CDC42: variants seen among roughly 807,000 people sequenced by gnomAD.
CDC42 encodes cell division control protein 42 homolog.
Under a neutral mutation model 20.8 loss-of-function variants are expected in CDC42, and 1 was observed. The ratio of observed to expected loss-of-function variants is 0.05; its 90% confidence interval spans 0.02 to 0.23. The LOEUF is 0.23. CDC42 is among the 10% of genes least tolerant of loss of function. The probability of loss-of-function intolerance (pLI) is 1.00; values close to 1 mark genes in which losing one functional copy is unlikely to be tolerated. For synonymous variants in CDC42, 72 were observed against 84.8 expected, an observed-to-expected ratio of 0.85 and a Z score of 0.83; for missense variants, 49 against 227.9, an observed-to-expected ratio of 0.21 and a Z score of 5.05.
chr1:22,062,692 T>G (rs1330343581), intron 1 of CDC42, among the ~76,000 whole-genome samples: 1 of 128,158 alleles, frequency 7.8e-6, no homozygotes, highest in African/African-American at 3.0e-5. Context: ...GAGACGAGCC[T>G]GGTAGCCTGG....
intron 1 of CDC42, among the ~76,000 whole-genome samples, chr1:22,054,294 C>G (rs532559376): frequency 5.9e-5 from 9 of 152,206 alleles, no homozygotes; most frequent in African/African-American, 2.2e-4. Flanking sequence ...TGGCCCACCG[C>G]AGCCTCCGCC....
intron 1 of CDC42, among the ~76,000 whole-genome samples, chr1:22,057,218 A>G (rs924517610): frequency 6.6e-6 from 1 of 152,098 alleles, no homozygotes; most frequent in Non-Finnish European, 1.5e-5. Flanking sequence ...ATATATATGA[A>G]GTGTTTAGGA....
chr1:22,073,545 A>T (rs1477380597), intron 1 of CDC42, among the ~76,000 whole-genome samples: 3 of 152,078 alleles, frequency 2.0e-5, no homozygotes, highest in Non-Finnish European at 4.4e-5. Flanking sequence ...TCTCAAAAAA[A>T]AAAAAAGAAA....
In CDC42 at chr1:22,099,654, GT is replaced by G. The variant is rs1192273464; in HGVS notation, c.*8138del. Among the ~76,000 whole-genome samples the G allele has an allele frequency of 1.3e-5, 2 of 152,164 alleles. No individual in the cohort carries two copies. The highest frequency in any genetic ancestry group is 2.9e-5 in the Non-Finnish European group (2 of 68,036). ...GTTGGGTAGGAGCTTTTTGGGGGAG[GT>G]GACTTTAGGATCAGTTGTAGCATGA... On this transcript the variant is annotated 3_prime_UTR_variant, in exon 6 of 6. Coordinates refer to ENST00000656825, the MANE Select transcript of CDC42 (RefSeq NM_001791.4).
chr1:22,054,689 G>A (rs572383932), intron 1 of CDC42, among the ~76,000 whole-genome samples: 3 of 151,854 alleles, frequency 2.0e-5, no homozygotes, highest in African/African-American at 7.2e-5. Context: ...GCAGCTTTCT[G>A]TAGTGTGTAG....
At chr1:22,067,047 A>G (rs16826395) in intron 1 of CDC42, among the ~76,000 whole-genome samples, 327 of 152,300 alleles carry the variant, frequency 2.1e-3, no homozygotes, top group African/African-American at 6.8e-3. Context: ...GGCAGGACAG[A>G]GCCTGGCACG....
At position 22,092,981 on chromosome 1, in the gene CDC42, T is replaced by C. The variant is rs1031433660; in HGVS notation, c.*1464T>C. On this transcript the variant is annotated 3_prime_UTR_variant, in exon 6 of 6. Coordinates refer to ENST00000656825, the MANE Select transcript of CDC42 (RefSeq NM_001791.4). Reference sequence around the variant, plus strand: ...AGGGTTGTTATTTTCCCTCCGTCTCTTACTTTTCAGATATTGAGGAGTGGG... The same window carrying C: ...AGGGTTGTTATTTTCCCTCCGTCTCCTACTTTTCAGATATTGAGGAGTGGG... 2 of 152,662 alleles carry C rather than the reference T, an allele frequency of 1.3e-5. No homozygotes were observed. The highest frequency in any genetic ancestry group is 4.8e-5 in the African/African-American group (2 of 41,462). 9.5% of individuals were successfully genotyped at this position (152,662 alleles called of 1,614,324 possible). A position where few individuals can be genotyped will look rare whatever the true frequency, so the allele number is the denominator to read the frequency against.
At position 22,097,488 on chromosome 1, in the gene CDC42, C is replaced by T. The variant is rs553185705; in HGVS notation, c.*5971C>T. On this transcript the variant is annotated 3_prime_UTR_variant, in exon 6 of 6. Coordinates refer to ENST00000656825, the MANE Select transcript of CDC42 (RefSeq NM_001791.4). ...AACTCCTGACCTCAGGTGATCCGCC[C>T]GTTGCGGCCTCCCTAAGTGCTGGGA... is the stretch of plus-strand genomic sequence containing the variant. Among the ~76,000 whole-genome samples the T allele has an allele frequency of 4.6e-5, 7 of 152,282 alleles. No individual in the cohort carries two copies. The highest frequency in any genetic ancestry group is 3.4e-3 in the Middle Eastern group (1 of 294).
chr1:22,089,102 G>C (rs1360342711), intron 5 of CDC42, among the ~76,000 whole-genome samples: 1 of 152,150 alleles, frequency 6.6e-6, no homozygotes, highest in African/African-American at 2.4e-5. Flanking sequence ...TCAAACTAAA[G>C]AACATGTGAA....
chr1:22,067,411 T>C (rs1200559541), intron 1 of CDC42, among the ~76,000 whole-genome samples: 1 of 152,060 alleles, frequency 6.6e-6, no homozygotes, highest in Non-Finnish European at 1.5e-5. Context: ...CACCTCCGCC[T>C]CCCAAGTTCG....
chr1:22,064,373 G>A (rs1645398890), intron 1 of CDC42, among the ~76,000 whole-genome samples: 1 of 151,960 alleles, frequency 6.6e-6, no homozygotes, highest in African/African-American at 2.4e-5. Flanking sequence ...CTCACCCACA[G>A]CCTCTGCCTC....
intron 3 of CDC42, among the ~76,000 whole-genome samples, chr1:22,084,594 A>G (rs1054318767): frequency 7.9e-5 from 12 of 151,584 alleles, no homozygotes; most frequent in African/African-American, 1.9e-4. Context: ...CGATTTGCAT[A>G]TATTTTTTCC....
intron 1 of CDC42, chr1:22,068,954 G>T (rs977932009): frequency 6.6e-6 from 1 of 152,128 alleles, no homozygotes; most frequent in Non-Finnish European, 1.5e-5. Flanking sequence ...AGGGGGTGAT[G>T]CTTGTTTATT....
At position 22,098,340 on chromosome 1, in the gene CDC42, GA is replaced by G. The variant is rs34637390; in HGVS notation, c.*6833del. 0.16 allele frequency among the ~76,000 whole-genome samples: 23,202 copies of G among 148,582 alleles called. 2,034 individuals carry two copies. Among genetic ancestry groups the G allele is most frequent in the African/African-American group, 0.22 (8,952 of 40,696 alleles). Reference sequence around the variant, plus strand: ...TGGTGAACAATTAGATGGGAAGGCTGAAAAAAAAAATACTCCTGAGATTCTG... The same window carrying G: ...TGGTGAACAATTAGATGGGAAGGCTGAAAAAAAAATACTCCTGAGATTCTG... On this transcript the variant is annotated 3_prime_UTR_variant, in exon 6 of 6. Transcript: ENST00000656825.
intron 1 of CDC42, among the ~76,000 whole-genome samples, chr1:22,065,698 G>T (rs1251783347): frequency 6.8e-6 from 1 of 148,148 alleles, no homozygotes; most frequent in Non-Finnish European, 1.5e-5. Flanking sequence ...AACTTGCCAG[G>T]ATCGTACACA....
intron 1 of CDC42, among the ~76,000 whole-genome samples, chr1:22,066,170 T>C (rs1645421365): frequency 6.6e-6 from 1 of 152,166 alleles, no homozygotes; most frequent in Non-Finnish European, 1.5e-5. Flanking sequence ...GGACGGGGAA[T>C]AAAGAAGTAT....
chr1:22,091,371 C>T, intron 5 of CDC42, 57 bp from the exon 6 acceptor site: 1 of 1,132,150 alleles, frequency 8.8e-7, no homozygotes, highest in Non-Finnish European at 1.3e-6. Flanking sequence ...AATTTGAACT[C>T]CAACTTTATT....
intron 1 of CDC42, among the ~76,000 whole-genome samples, chr1:22,067,358 CTG>C (rs1466680165): frequency 1.3e-5 from 2 of 152,198 alleles, no homozygotes; most frequent in Non-Finnish European, 2.9e-5. Flanking sequence ...CGGTCTCACT[CTG>C]TTTCCCAGGC....
intron 5 of CDC42, chr1:22,090,207 T>A: frequency 7.8e-7 from 1 of 1,280,118 alleles, no homozygotes; most frequent in Non-Finnish European, 9.9e-7. Flanking sequence ...CATATAAATT[T>A]TTTGTGATCA....
Sources: allele counts gnomAD v4.1 joint callset (sites outside exome capture counted in the v4.1 genomes callset), GRCh38; gene constraint gnomAD v4.1.1; transcripts MANE v1.5; gene names NCBI Gene and HGNC (gene_info 2026-07-23, HGNC 2026-07-21).